Variants in HSF2BP observed in about 807,000 individuals in gnomAD.
The protein encoded by HSF2BP is heat shock factor 2-binding protein.
In HSF2BP, 35 loss-of-function variants were observed where a neutral mutation model predicts 35.0. The observed-to-expected ratio is 1.00, with a 90% CI of 0.76 to 1.32. The LOEUF is 1.32. Ranked by LOEUF, HSF2BP falls within the 40% of genes most tolerant of loss-of-function variation. HSF2BP has a pLI of 0.00. For synonymous variants in HSF2BP, 114 were observed against 117.4 expected, an observed-to-expected ratio of 0.97 and a Z score of 0.18; for missense variants, 326 against 321.7, an observed-to-expected ratio of 1.01 and a Z score of -0.10.
At chr21:43,574,043 G>A (rs2081609430) in intron 8 of HSF2BP, among the ~76,000 whole-genome samples, 1 of 152,156 alleles carries the variant, frequency 6.6e-6, no homozygotes, top group South Asian at 2.1e-4. Context: ...GAGTGAGCAG[G>A]GCCCGAGGCA....
chr21:43,639,843 T>C (rs564801643), intron 4 of HSF2BP, among the ~76,000 whole-genome samples: 22 of 152,334 alleles, frequency 1.4e-4, no homozygotes, highest in Middle Eastern at 3.4e-3. Flanking sequence ...TGGATGTTAC[T>C]AGTGTCTTTA....
At chr21:43,657,961 G>A in intron 2 of HSF2BP, 100 bp downstream of exon 2, 2 of 1,521,230 alleles carry the variant, frequency 1.3e-6, no homozygotes, top group Admixed American at 2.0e-5. Context: ...CCCCAAGCAC[G>A]CGACAGCGAG....
chr21:43,633,843 GA>G (rs1216748585), intron 4 of HSF2BP, among the ~76,000 whole-genome samples: 1 of 152,162 alleles, frequency 6.6e-6, no homozygotes, highest in South Asian at 2.1e-4. Context: ...TCACTCCATT[GA>G]AAAAACGCCA....
At chr21:43,618,300 A>G (rs965594534) in intron 6 of HSF2BP, among the ~76,000 whole-genome samples, 2 of 152,156 alleles carry the variant, frequency 1.3e-5, no homozygotes, top group Non-Finnish European at 2.9e-5. Flanking sequence ...TGTGCTGAAA[A>G]GGATATACAG....
chr21:43,625,698 T>C (rs1191291412), intron 6 of HSF2BP, among the ~76,000 whole-genome samples: 1 of 152,210 alleles, frequency 6.6e-6, no homozygotes, highest in East Asian at 1.9e-4. Context: ...TTGAGACTCA[T>C]AAGCCCCCAA....
intron 7 of HSF2BP, among the ~76,000 whole-genome samples, chr21:43,612,567 T>A (rs984945083): frequency 6.8e-5 from 10 of 147,796 alleles, no homozygotes; most frequent in African/African-American, 1.8e-4. Context: ...AGGAGAATGG[T>A]GTGAACCCGG....
At chr21:43,631,318 G>A (rs1324577997) in intron 5 of HSF2BP, among the ~76,000 whole-genome samples, 1 of 152,068 alleles carries the variant, frequency 6.6e-6, no homozygotes, top group Non-Finnish European at 1.5e-5. Flanking sequence ...TGCTCCCAGA[G>A]TCAAACACCG....
intron 6 of HSF2BP, among the ~76,000 whole-genome samples, chr21:43,627,536 G>A (rs2082404503): frequency 6.6e-6 from 1 of 152,214 alleles, no homozygotes; most frequent in African/African-American, 2.4e-5. Context: ...AGAATCACCT[G>A]GGGTGATTTT....
chr21:43,606,973 C>T (rs900624420), intron 7 of HSF2BP, among the ~76,000 whole-genome samples: 2 of 152,196 alleles, frequency 1.3e-5, no homozygotes, highest in Non-Finnish European at 2.9e-5. Flanking sequence ...GAGATATCCA[C>T]TCTTACCGCA....
At chr21:43,650,212 T>G (rs1235155880) in intron 3 of HSF2BP, among the ~76,000 whole-genome samples, 2 of 152,178 alleles carry the variant, frequency 1.3e-5, no homozygotes, top group Admixed American at 6.5e-5. Context: ...TACTATTATA[T>G]AATTTTTTTT....
At chr21:43,578,622 T>A (rs1211674744) in intron 8 of HSF2BP, among the ~76,000 whole-genome samples, 1 of 152,208 alleles carries the variant, frequency 6.6e-6, no homozygotes, top group Non-Finnish European at 1.5e-5. Flanking sequence ...CGCTCTCTCA[T>A]GGATGGCTCT....
At position 43,619,830 on chromosome 21, in the gene HSF2BP, GC is replaced by G. The variant is rs536340868; in HGVS notation, c.575-5884del. The stretch of plus-strand genomic sequence containing the variant: ...CCTGGAAACGCTGCTCTGTAACTTG[GC>G]CAGAGAAGACACCAAATCAGAGCGG... On this transcript the variant is annotated intron_variant, in intron 6 of 8. Transcript: ENST00000291560. Among the ~76,000 whole-genome samples the G allele has an allele frequency of 7.0e-3, 1,065 of 152,358 alleles. 9 individuals are homozygous for G. Among genetic ancestry groups the G allele is most frequent in the African/African-American group, 0.024 (995 of 41,578 alleles).
chr21:43,625,565 A>C (rs1009901624), intron 6 of HSF2BP, among the ~76,000 whole-genome samples: 9 of 152,092 alleles, frequency 5.9e-5, no homozygotes, highest in African/African-American at 1.4e-4. Flanking sequence ...AAAAAAAAAA[A>C]CTAAAGAATG....
At chr21:43,612,759 A>AGTTTGAGGCCAGCCTAGGC (rs1448957644) in intron 7 of HSF2BP, among the ~76,000 whole-genome samples, 2 of 151,584 alleles carry the variant, frequency 1.3e-5, no homozygotes, top group South Asian at 2.1e-4. Flanking sequence ...AACGCCTAGG[A>AGTTTGAGGCCAGCCTAGGC]GTTTGAGGCC....
chr21:43,616,052 AAT>A (rs1555868378), intron 6 of HSF2BP, among the ~76,000 whole-genome samples: 11 of 143,966 alleles, frequency 7.6e-5, no homozygotes, highest in South Asian at 2.2e-4. Flanking sequence ...AAAAAAAAAA[AAT>A]ATATATATAT....
rs902729431 is a variant in HSF2BP, at chr21:43,597,427, G to A, written c.693-5099C>T. On this transcript the variant is annotated intron_variant, in intron 7 of 8. Transcript: ENST00000291560. This position sits in a 1 kb window ranked among gnomAD's most constrained non-coding sequence, Gnocchi z 4.3. Reference sequence around the variant, plus strand: ...TTGCTTTGGGTGTAAATTTAAGGGAGTATCAAAATGCCCAGTGGCCCATAT... The same window carrying A: ...TTGCTTTGGGTGTAAATTTAAGGGAATATCAAAATGCCCAGTGGCCCATAT... Among the ~76,000 whole-genome samples the A allele has an allele frequency of 6.6e-5, 10 of 152,124 alleles. No individual in the cohort carries two copies. Among genetic ancestry groups the A allele is most frequent in the Admixed American group, 6.5e-4 (10 of 15,272 alleles).
chr21:43,642,951 A>T (rs1230645417), intron 4 of HSF2BP, among the ~76,000 whole-genome samples: 1 of 151,882 alleles, frequency 6.6e-6, no homozygotes, highest in Non-Finnish European at 1.5e-5. Flanking sequence ...ACCGCAAGCG[A>T]ACCGCCCACC....
At chr21:43,598,413 G>A (rs1388183817) in intron 7 of HSF2BP, among the ~76,000 whole-genome samples, 2 of 150,968 alleles carry the variant, frequency 1.3e-5, no homozygotes, top group Non-Finnish European at 3.0e-5. Context: ...GTAGAGACGG[G>A]GTTTCACCAT....
intron 2 of HSF2BP, among the ~76,000 whole-genome samples, chr21:43,657,494 C>A (rs144271007): frequency 6.6e-6 from 1 of 152,170 alleles, no homozygotes; most frequent in Non-Finnish European, 1.5e-5. Flanking sequence ...GCCCTCCGCC[C>A]GTGATCTCAT....
Sources: gnomAD v4.1 joint callset for allele counts (sites outside exome capture counted in the v4.1 genomes callset) on GRCh38, gnomAD v4.1.1 for gene constraint, Gnocchi (gnomAD v3.1) non-coding constraint, MANE v1.5 for transcripts, NCBI Gene and HGNC (gene_info 2026-07-23, HGNC 2026-07-21) for gene names.